CAMK1D: variants seen among roughly 807,000 people sequenced by gnomAD.
CAMK1D encodes the protein calcium/calmodulin dependent protein kinase ID, also known as calcium/calmodulin-dependent protein kinase type 1D.
In CAMK1D, 9 loss-of-function variants were observed where a neutral mutation model predicts 47.7. The ratio of observed to expected loss-of-function variants is 0.19; its 90% CI spans 0.11 to 0.33. CAMK1D has a LOEUF of 0.33. Ranked by LOEUF, CAMK1D falls within the 10% of genes least tolerant of loss-of-function variation. The pLI is 1.00. For synonymous variants in CAMK1D, 184 were observed against 184.9 expected, an observed-to-expected ratio of 0.99 and a Z score of 0.04; for missense variants, 291 against 488.7, an observed-to-expected ratio of 0.60 and a Z score of 3.81.
chr10:12,698,511 A>G (rs1308240294), intron 3 of CAMK1D, among the ~76,000 whole-genome samples: 2 of 152,112 alleles, frequency 1.3e-5, no homozygotes, highest in Non-Finnish European at 2.9e-5. Context: ...TTAAATATGA[A>G]CTTTATTTCT....
chr10:12,527,125 T>G (rs1306232337), intron 1 of CAMK1D, among the ~76,000 whole-genome samples: 1 of 152,140 alleles, frequency 6.6e-6, no homozygotes, highest in African/African-American at 2.4e-5. Context: ...CTTGGGATTT[T>G]AGGGGCTTAT....
At position 12,814,208 on chromosome 10, in the gene CAMK1D, C is replaced by T. The variant is rs758785829; in HGVS notation, c.655C>T (p.Pro219Ser). Residue 219 changes from proline (P) to serine (S), a missense_variant, in exon 7 of 11, where the codon CCT becomes TCT. Physicochemically the swap from Pro to Ser is moderately conservative, Grantham distance 74. This residue lies in a region of CAMK1D where 219 missense variants were observed against 424.3 expected (regional missense o/e 0.52). Transcript: ENST00000619168. ...TTTGTCTCCTAGGCTCTGCGGCTAC[C>T]CTCCTTTTTATGATGAAAATGACTC... Reference protein sequence around the residue: ...VIAYILLCGYPPFYDENDSKL... With the variant: ...VIAYILLCGYSPFYDENDSKL... 3 of 1,612,716 alleles carry T rather than the reference C, an allele frequency of 1.9e-6. No individual in the cohort carries two copies. Among genetic ancestry groups the T allele is most frequent in the Non-Finnish European group, 1.7e-6 (2 of 1,178,798 alleles).
At chr10:12,695,060 A>ATAGG (rs1554811983) in intron 3 of CAMK1D, among the ~76,000 whole-genome samples, 1 of 85,914 alleles carries the variant, frequency 1.2e-5, no homozygotes, top group East Asian at 4.1e-4. Flanking sequence ...AGATAGATAG[A>ATAGG]TAGATACATA....
chr10:12,406,745 A>AC, intron 1 of CAMK1D, among the ~76,000 whole-genome samples: 1 of 93,678 alleles, frequency 1.1e-5, no homozygotes, highest in East Asian at 3.4e-4. Flanking sequence ...AAAAAAAAAA[A>AC]AAAAAAATCA....
At chr10:12,723,077 A>G (rs1049839603) in intron 3 of CAMK1D, among the ~76,000 whole-genome samples, 7 of 152,114 alleles carry the variant, frequency 4.6e-5, no homozygotes, top group Admixed American at 2.6e-4. Flanking sequence ...GAAAAGAAGA[A>G]ATGGACGTGA....
intron 3 of CAMK1D, among the ~76,000 whole-genome samples, chr10:12,677,449 A>T (rs1052140082): frequency 5.9e-5 from 9 of 151,948 alleles, no homozygotes; most frequent in Admixed American, 3.9e-4. Flanking sequence ...GGCTTGGGGG[A>T]TACAGACAAG....
intron 3 of CAMK1D, among the ~76,000 whole-genome samples, chr10:12,746,456 A>C (rs944162412): frequency 2.0e-5 from 3 of 152,058 alleles, no homozygotes; most frequent in Non-Finnish European, 4.4e-5. Flanking sequence ...AGGACATTGG[A>C]ACGTTAGGCT....
intron 5 of CAMK1D, among the ~76,000 whole-genome samples, chr10:12,788,355 A>G (rs1256190373): frequency 1.3e-5 from 2 of 152,086 alleles, no homozygotes; most frequent in Non-Finnish European, 2.9e-5. Context: ...GTGCTGTTTG[A>G]TATCTGGTTC....
intron 2 of CAMK1D, among the ~76,000 whole-genome samples, chr10:12,646,687 C>T (rs879501335): frequency 6.6e-6 from 1 of 152,092 alleles, no homozygotes; most frequent in Admixed American, 6.6e-5. Flanking sequence ...ACATACTAAG[C>T]TCTGAGTAAA....
chr10:12,809,573 T>G (rs1832515834), intron 6 of CAMK1D, among the ~76,000 whole-genome samples: 1 of 152,212 alleles, frequency 6.6e-6, no homozygotes, highest in Admixed American at 6.5e-5. Context: ...TTCTGCAACA[T>G]GTGACAACAT....
chr10:12,586,822 A>G (rs1005123362), intron 2 of CAMK1D, among the ~76,000 whole-genome samples: 1 of 152,248 alleles, frequency 6.6e-6, no homozygotes, highest in African/African-American at 2.4e-5. Context: ...AAGTAAATAA[A>G]TGAAAGCAAA....
intron 2 of CAMK1D, among the ~76,000 whole-genome samples, chr10:12,557,856 GTTTATTGTAGGCTGAGAAATTTA>G (rs1262486936): frequency 6.6e-6 from 1 of 152,190 alleles, no homozygotes; most frequent in Admixed American, 6.5e-5. Flanking sequence ...TTTATGCTGA[GTTTATTGTAGGCTGAGAAATTTA>G]TTTATTTCAC....
chr10:12,743,927 A>G (rs571728309), intron 3 of CAMK1D, among the ~76,000 whole-genome samples: 3 of 152,102 alleles, frequency 2.0e-5, no homozygotes, highest in African/African-American at 7.2e-5. Context: ...AGAGGCTGAA[A>G]CAGGAGAATG....
At position 12,543,204 on chromosome 10, in the gene CAMK1D, C is replaced by T. The variant is rs557651474; in HGVS notation, c.93-10021C>T. Among the ~76,000 whole-genome samples the T allele has an allele frequency of 5.3e-5, 8 of 152,096 alleles. No homozygotes were observed. The East Asian group carries it at 5.8e-4, about 11-fold the overall frequency. The stretch of plus-strand genomic sequence containing the variant: ...CCGGGATTATAGGCACCCACCACCA[C>T]GCCCGGCTAATTTTTGTATTTTTTC... On this transcript the variant is annotated intron_variant, in intron 1 of 10. Coordinates refer to ENST00000619168, the MANE Select transcript of CAMK1D (RefSeq NM_153498.4).
At chr10:12,367,803 C>T (rs1298483240) in intron 1 of CAMK1D, among the ~76,000 whole-genome samples, 1 of 152,128 alleles carries the variant, frequency 6.6e-6, no homozygotes, top group Non-Finnish European at 1.5e-5. Flanking sequence ...TGCTTGGTTG[C>T]CGGCTGCTCA....
chr10:12,789,670 G>C (rs12767282), intron 5 of CAMK1D, among the ~76,000 whole-genome samples: 29,127 of 152,154 alleles, frequency 0.19, 2,861 homozygotes, highest in South Asian at 0.38. Flanking sequence ...CAACTTACCT[G>C]ACCTCTCATA....
chr10:12,563,037 T>C (rs1475104367), intron 2 of CAMK1D, among the ~76,000 whole-genome samples: 1 of 152,232 alleles, frequency 6.6e-6, no homozygotes, highest in Non-Finnish European at 1.5e-5. Flanking sequence ...AGATTTATTA[T>C]GAGGTATTGG....
At chr10:12,464,240 T>C (rs542415025) in intron 1 of CAMK1D, among the ~76,000 whole-genome samples, 6 of 152,352 alleles carry the variant, frequency 3.9e-5, no homozygotes, top group African/African-American at 1.4e-4. Context: ...TGGGACACTC[T>C]GCAGATACCT....
At chr10:12,367,130 A>G (rs1392722439) in intron 1 of CAMK1D, among the ~76,000 whole-genome samples, 1 of 152,184 alleles carries the variant, frequency 6.6e-6, no homozygotes, top group Non-Finnish European at 1.5e-5. Flanking sequence ...AAAAGGGGAT[A>G]AAAAATATTC....
Sources: allele counts gnomAD v4.1 joint callset (sites outside exome capture counted in the v4.1 genomes callset), GRCh38; gene constraint gnomAD v4.1.1; regional missense constraint gnomAD v4.1.1; transcripts MANE v1.5; gene names NCBI Gene and HGNC (gene_info 2026-07-23, HGNC 2026-07-21).